Variants in FHIT observed in about 807,000 individuals in gnomAD.
FHIT encodes fragile histidine triad diadenosine triphosphatase, also known as bis(5'-adenosyl)-triphosphatase.
A neutral mutation model predicts 17.9 loss-of-function variants in FHIT; 19 were observed. The observed-to-expected ratio is 1.06, with a 90% CI of 0.74 to 1.56. The LOEUF (loss-of-function observed/expected upper bound fraction) is 1.56, where lower values mean the gene tolerates loss of function less well. FHIT is among the 40% of genes most tolerant of loss of function. The probability of loss-of-function intolerance (pLI) is 0.00; values close to 1 mark genes in which losing one functional copy is unlikely to be tolerated. For synonymous variants in FHIT, 81 were observed against 69.7 expected (o/e 1.16, Z -0.81); for missense variants, 248 against 189.2 (o/e 1.31, Z -1.82).
chr3:61,169,457 T>C (rs921983760), intron 2 of FHIT, among the ~76,000 whole-genome samples: 1 of 152,212 alleles, frequency 6.6e-6, no homozygotes, highest in African/African-American at 2.4e-5. Flanking sequence ...ACTTTACCTT[T>C]TACTGAAAAT....
chr3:60,004,798 T>C (rs1699859502), intron 7 of FHIT, among the ~76,000 whole-genome samples: 1 of 152,182 alleles, frequency 6.6e-6, no homozygotes, highest in South Asian at 2.1e-4. Context: ...AAAATATTAA[T>C]GCCTACTTTT....
intron 3 of FHIT, among the ~76,000 whole-genome samples, chr3:60,943,977 C>G (rs376302233): frequency 6.6e-6 from 1 of 152,168 alleles, no homozygotes; most frequent in South Asian, 2.1e-4. Flanking sequence ...AAATTTCTAT[C>G]GGGAACAGCT....
chr3:60,501,898 A>G (rs1406068345), intron 5 of FHIT, among the ~76,000 whole-genome samples: 1 of 152,236 alleles, frequency 6.6e-6, no homozygotes, highest in African/African-American at 2.4e-5. Context: ...AAGTACTCAA[A>G]GAAAAGCTAA....
At chr3:59,903,962 G>C (rs1253597564) in intron 8 of FHIT, among the ~76,000 whole-genome samples, 1 of 152,158 alleles carries the variant, frequency 6.6e-6, no homozygotes, top group Middle Eastern at 3.2e-3. Context: ...GTACAAAAGG[G>C]ACTGGCTGAA....
At chr3:60,008,924 T>C (rs17255191) in intron 7 of FHIT, among the ~76,000 whole-genome samples, 14,299 of 152,242 alleles carry the variant, frequency 0.094, 915 homozygotes, top group South Asian at 0.2. Context: ...CTGGCAAATA[T>C]CTATCACGGG....
chr3:61,243,201 GT>G (rs1240169383), intron 1 of FHIT, among the ~76,000 whole-genome samples: 1 of 152,164 alleles, frequency 6.6e-6, no homozygotes, highest in African/African-American at 2.4e-5. Context: ...GTTTCACTTT[GT>G]CTAGTTTCTT....
At chr3:59,851,463 G>C (rs776944504) in intron 8 of FHIT, among the ~76,000 whole-genome samples, 13 of 152,160 alleles carry the variant, frequency 8.5e-5, no homozygotes, top group Non-Finnish European at 1.5e-4. Context: ...AGAAGGCAAA[G>C]TGTGAAAAAC....
At position 60,321,909 on chromosome 3, in the gene FHIT, T is replaced by C. The variant is rs138312179; in HGVS notation, c.103+214951A>G. 4.9e-3 allele frequency among the ~76,000 whole-genome samples: 744 copies of C among 152,310 alleles called. 6 individuals carry two copies. The highest frequency in any genetic ancestry group is 0.017 in the African/African-American group (705 of 41,576). On this transcript the variant is annotated intron_variant, in intron 5 of 9. Coordinates refer to ENST00000492590, the MANE Select transcript of FHIT (RefSeq NM_002012.4). Reference sequence around the variant, plus strand: ...TTTAAGAGGGTGCTAATCCCATTCATGAGGGCAGAGCCCTCGTGACTTAAT... The same window carrying C: ...TTTAAGAGGGTGCTAATCCCATTCACGAGGGCAGAGCCCTCGTGACTTAAT...
chr3:60,907,554 TAA>T (rs1706499562), intron 3 of FHIT, among the ~76,000 whole-genome samples: 1 of 152,232 alleles, frequency 6.6e-6, no homozygotes, highest in African/African-American at 2.4e-5. Flanking sequence ...ATATCAATGT[TAA>T]ATTTCATGTG....
intron 5 of FHIT, among the ~76,000 whole-genome samples, chr3:60,439,088 A>C (rs1183072256): frequency 6.6e-6 from 1 of 152,172 alleles, no homozygotes; most frequent in Non-Finnish European, 1.5e-5. Flanking sequence ...ACAAGGTGAG[A>C]AAGATGATTA....
At chr3:59,989,417 A>C (rs1023832332) in intron 7 of FHIT, among the ~76,000 whole-genome samples, 2 of 151,998 alleles carry the variant, frequency 1.3e-5, no homozygotes, top group African/African-American at 4.8e-5. Flanking sequence ...TTAAAGTGAG[A>C]CACTGCTTGC....
At chr3:60,338,041 T>C (rs995377024) in intron 5 of FHIT, among the ~76,000 whole-genome samples, 4 of 152,196 alleles carry the variant, frequency 2.6e-5, no homozygotes, top group African/African-American at 7.2e-5. Context: ...TCGAATTTTT[T>C]TTCCCATTTA....
At chr3:60,173,693 C>T (rs917642260) in intron 5 of FHIT, among the ~76,000 whole-genome samples, 1 of 151,278 alleles carries the variant, frequency 6.6e-6, no homozygotes, top group Non-Finnish European at 1.5e-5. Flanking sequence ...GAGAATTCCT[C>T]ACGCTGTCTG....
chr3:60,616,069 C>G (rs1553675787), intron 4 of FHIT, among the ~76,000 whole-genome samples: 2 of 152,122 alleles, frequency 1.3e-5, no homozygotes, highest in African/African-American at 4.8e-5. Flanking sequence ...TATCACTTGT[C>G]ATTAGGTCAC....
At chr3:59,928,550 A>C (rs555931712) in intron 7 of FHIT, among the ~76,000 whole-genome samples, 570 of 152,350 alleles carry the variant, frequency 3.7e-3, no homozygotes, top group Non-Finnish European at 5.2e-3. Context: ...AAGTAATAAA[A>C]AGACAAAAAT....
At chr3:60,586,176 G>A (rs2037899662) in intron 4 of FHIT, among the ~76,000 whole-genome samples, 1 of 151,798 alleles carries the variant, frequency 6.6e-6, no homozygotes, top group Non-Finnish European at 1.5e-5. Flanking sequence ...AGTAAAATGA[G>A]CAATAGAAAC....
At chr3:60,827,047 A>G (rs1702150640) in intron 3 of FHIT, among the ~76,000 whole-genome samples, 1 of 152,150 alleles carries the variant, frequency 6.6e-6, no homozygotes, top group African/African-American at 2.4e-5. Flanking sequence ...GCTTTAGGAT[A>G]ATTCATTTTT....
intron 4 of FHIT, among the ~76,000 whole-genome samples, chr3:60,816,070 T>C (rs1243726457): frequency 6.6e-6 from 1 of 152,128 alleles, no homozygotes; most frequent in Non-Finnish European, 1.5e-5. Context: ...GAAATGCTAC[T>C]GATTTCTGTA....
rs370343712 is a variant in FHIT at position 60,768,419 on chromosome 3, T to C, written c.-18+53500A>G. Among the ~76,000 whole-genome samples, 11 of 152,290 alleles carry C rather than the reference T, an allele frequency of 7.2e-5. 1 individual carries two copies. Among genetic ancestry groups the C allele is most frequent in the Admixed American group, 2.6e-4 (4 of 15,306 alleles). ...CAGTAGCTAGGTAGGCAAGGCCTCT[T>C]TCCCTGCCAACTCAGAGCTTAATCA... On this transcript the variant is annotated intron_variant, in intron 4 of 9. Transcript: ENST00000492590.
Sources: gnomAD v4.1 joint callset for allele counts (sites outside exome capture counted in the v4.1 genomes callset) on GRCh38, gnomAD v4.1.1 for gene constraint, MANE v1.5 for transcripts, NCBI Gene and HGNC (gene_info 2026-07-23, HGNC 2026-07-21) for gene names.